Variants in SCAPER observed in about 807,000 individuals in gnomAD.
SCAPER encodes the protein S-phase cyclin A associated protein in the ER.
Under a neutral mutation model 182.2 loss-of-function variants are expected in SCAPER, and 98 were observed. That is an observed-to-expected ratio of 0.54 (90% CI 0.46 to 0.64). The LOEUF is 0.64. Ranked by LOEUF, SCAPER falls within the 30% of genes least tolerant of loss-of-function variation. SCAPER has a pLI of 0.00. For synonymous variants in SCAPER, 605 were observed against 564.6 expected, an observed-to-expected ratio of 1.07 and a Z score of -1.01; for missense variants, 1,432 against 1,690.0, an observed-to-expected ratio of 0.85 and a Z score of 2.68.
At chr15:76,587,328 G>C (rs2048742755) in intron 22 of SCAPER, among the ~76,000 whole-genome samples, 1 of 151,738 alleles carries the variant, frequency 6.6e-6, no homozygotes, top group African/African-American at 2.4e-5. Flanking sequence ...TTCTTCTGCT[G>C]GGTTTGGGTT....
At chr15:76,455,900 C>T (rs2048697037) in intron 25 of SCAPER, among the ~76,000 whole-genome samples, 1 of 152,146 alleles carries the variant, frequency 6.6e-6, no homozygotes, top group Non-Finnish European at 1.5e-5. Context: ...GTTCAACTCC[C>T]ACTTATGAGT....
At chr15:76,639,824 T>C (rs902199289) in intron 21 of SCAPER, among the ~76,000 whole-genome samples, 1 of 152,032 alleles carries the variant, frequency 6.6e-6, no homozygotes, top group Non-Finnish European at 1.5e-5. Flanking sequence ...TAAACCACCA[T>C]ATATGTTATT....
intron 27 of SCAPER, among the ~76,000 whole-genome samples, chr15:76,385,526 T>C (rs1255639587): frequency 2.6e-5 from 4 of 152,108 alleles, no homozygotes; most frequent in Admixed American, 2.6e-4. Flanking sequence ...CTGCATAGTG[T>C]TGGAGTGGGT....
chr15:76,604,812 A>T lies in SCAPER; in HGVS notation c.2711+16952T>A, dbSNP rs546056780. On this transcript the variant is annotated intron_variant, in intron 22 of 31. Coordinates refer to ENST00000563290, the MANE Select transcript of SCAPER (RefSeq NM_020843.4). ...AATTGTGAATGGGAGTTCACTCATG[A>T]TTTGGCTCTCTGTTTGTCTGTTATT... 2.0e-5 allele frequency among the ~76,000 whole-genome samples: 3 copies of T among 151,340 alleles called. No homozygotes were observed. In the Admixed American group the frequency reaches 2.0e-4, roughly 10 times the overall value.
At chr15:76,485,543 T>A (rs2051548381) in intron 24 of SCAPER, among the ~76,000 whole-genome samples, 1 of 152,080 alleles carries the variant, frequency 6.6e-6, no homozygotes, top group Non-Finnish European at 1.5e-5. Flanking sequence ...ATTTTAAAAT[T>A]CATATGGAAT....
At chr15:76,793,238 A>ATAT (rs2065113757) in intron 8 of SCAPER, 2 of 1,109,712 alleles carry the variant, frequency 1.8e-6, no homozygotes, top group Non-Finnish European at 2.7e-6. Context: ...TACACCTGTG[A>ATAT]TATTGCAAAA....
At chr15:76,533,078 T>C (rs903866518) in intron 23 of SCAPER, among the ~76,000 whole-genome samples, 9 of 152,228 alleles carry the variant, frequency 5.9e-5, no homozygotes, top group African/African-American at 2.2e-4. Flanking sequence ...AGCAATGATG[T>C]AGCTGGGCAA....
chr15:76,813,298 G>C (rs1036048530), intron 5 of SCAPER, among the ~76,000 whole-genome samples: 1 of 135,156 alleles, frequency 7.4e-6, no homozygotes, highest in South Asian at 2.4e-4. Context: ...CCTCAATATA[G>C]TAGAAGTCAT....
chr15:76,752,362 C>T (rs1439140145), intron 15 of SCAPER, among the ~76,000 whole-genome samples: 1 of 151,714 alleles, frequency 6.6e-6, no homozygotes, highest in Non-Finnish European at 1.5e-5. Flanking sequence ...CTGTATGATC[C>T]AGCCTTTCCA....
chr15:76,629,929 C>G (rs2052944678), intron 21 of SCAPER, among the ~76,000 whole-genome samples: 1 of 152,158 alleles, frequency 6.6e-6, no homozygotes, highest in South Asian at 2.1e-4. Context: ...TCACCTGCCT[C>G]AATTTCAGAA....
At chr15:76,826,469 G>A (rs1432786509) in intron 5 of SCAPER, among the ~76,000 whole-genome samples, 2 of 150,020 alleles carry the variant, frequency 1.3e-5, no homozygotes, top group Admixed American at 1.3e-4. Context: ...GCTAGATGAC[G>A]AGTGAGTGGG....
At chr15:76,516,197 T>A (rs1028609422) in intron 23 of SCAPER, among the ~76,000 whole-genome samples, 42 of 150,990 alleles carry the variant, frequency 2.8e-4, no homozygotes, top group African/African-American at 1.0e-3. Context: ...TTTTTTTTTA[T>A]ATATATTCTT....
At chr15:76,449,244 T>C (rs917907106) in intron 25 of SCAPER, among the ~76,000 whole-genome samples, 4 of 152,218 alleles carry the variant, frequency 2.6e-5, no homozygotes, top group African/African-American at 9.7e-5. Context: ...TCTTCCACAA[T>C]ATTCATTTGG....
intron 29 of SCAPER, among the ~76,000 whole-genome samples, chr15:76,361,044 T>C (rs925360615): frequency 2.1e-5 from 3 of 145,456 alleles, no homozygotes; most frequent in African/African-American, 7.6e-5. Flanking sequence ...AAAAGGAAAG[T>C]GGAGGTGGGA....
At chr15:76,644,545 C>A (rs2054378595) in intron 21 of SCAPER, among the ~76,000 whole-genome samples, 1 of 151,644 alleles carries the variant, frequency 6.6e-6, no homozygotes. Flanking sequence ...TGCTTTCATA[C>A]ATACAGTACA....
chr15:76,711,016 A>G (rs945560647), intron 17 of SCAPER, among the ~76,000 whole-genome samples: 1 of 152,170 alleles, frequency 6.6e-6, no homozygotes, highest in Admixed American at 6.6e-5. Flanking sequence ...TTATAACTAG[A>G]TATCTATATG....
At chr15:76,348,921 T>C in intron 31 of SCAPER, 185 bp from the exon 32 acceptor site, 1 of 447,182 alleles carries the variant, frequency 2.2e-6, no homozygotes, top group Non-Finnish European at 4.1e-6. Flanking sequence ...TAGTATAAAA[T>C]ATATGACATA....
At position 76,712,597 on chromosome 15, in the gene SCAPER, A is replaced by G. The variant is rs534596275; in HGVS notation, c.2166-6613T>C. Among the ~76,000 whole-genome samples, 348 of 152,118 alleles carry G rather than the reference A, an allele frequency of 2.3e-3. 1 individual carries two copies. The highest frequency in any genetic ancestry group is 7.8e-3 in the African/African-American group (323 of 41,506). On this transcript the variant is annotated intron_variant, in intron 17 of 31. Transcript: ENST00000563290. ...ATGGAATGTTCTTCCATTTGTTTGT[A>G]TCCTCTTTTATTTCATTGAGCAGTG...
chr15:76,697,456 T>A (rs538870820), intron 20 of SCAPER, among the ~76,000 whole-genome samples: 1 of 152,314 alleles, frequency 6.6e-6, no homozygotes, highest in African/African-American at 2.4e-5. Flanking sequence ...AAAAATTAGA[T>A]AATATTGCAC....
Sources: gnomAD v4.1 joint callset for allele counts (sites outside exome capture counted in the v4.1 genomes callset) on GRCh38, gnomAD v4.1.1 for gene constraint, MANE v1.5 for transcripts, NCBI Gene and HGNC (gene_info 2026-07-23, HGNC 2026-07-21) for gene names.